The following LIPA variants were observed in gnomAD, a reference collection of about 807,000 sequenced individuals.
LIPA encodes the protein lipase A, lysosomal acid type, also known as lysosomal acid lipase/cholesteryl ester hydrolase.
Under a neutral mutation model 40.6 loss-of-function variants are expected in LIPA, and 26 were observed. The observed-to-expected ratio is 0.64, with a 90% confidence interval of 0.47 to 0.89. LIPA has a LOEUF of 0.89. Among genes scored for constraint, LIPA ranks in the 40% least tolerant of loss-of-function variants. LIPA has a pLI of 0.00. For missense variants in LIPA, 455 were observed against 479.6 expected, an observed-to-expected ratio of 0.95 and a Z score of 0.48; for synonymous variants, 188 against 168.4, an observed-to-expected ratio of 1.12 and a Z score of -0.90.
intron 2 of LIPA, among the ~76,000 whole-genome samples, chr10:89,361,853 C>T (rs1384716779): frequency 8.2e-6 from 1 of 121,934 alleles, no homozygotes; most frequent in Non-Finnish European, 1.7e-5. Flanking sequence ...AAAAAAAAAT[C>T]CACCCCCCAC....
intron 3 of LIPA, among the ~76,000 whole-genome samples, chr10:89,230,702 A>G (rs1251751002): frequency 6.6e-6 from 1 of 152,234 alleles, no homozygotes; most frequent in African/African-American, 2.4e-5. Flanking sequence ...CCTAAAATTA[A>G]TATAATTCCC....
chr10:89,303,821 G>A (rs1391950119), intron 1 of LIPA, among the ~76,000 whole-genome samples: 3 of 152,208 alleles, frequency 2.0e-5, no homozygotes, highest in Non-Finnish European at 4.4e-5. Context: ...GAATTGAGAG[G>A]GAGCAAGGAA....
At chr10:89,377,543 G>C (rs76212992) in intron 2 of LIPA, among the ~76,000 whole-genome samples, 2,318 of 152,292 alleles carry the variant, frequency 0.015, 28 homozygotes, top group African/African-American at 0.035. Flanking sequence ...CAAAATTGAG[G>C]AGTTGTTTTG....
At chr10:89,290,002 G>A (rs4933502) in intron 1 of LIPA, among the ~76,000 whole-genome samples, 7 of 72,562 alleles carry the variant, frequency 9.6e-5, no homozygotes, top group South Asian at 6.1e-4. Flanking sequence ...AAAAAAGGGT[G>A]GGGGGGACTC....
intron 2 of LIPA, among the ~76,000 whole-genome samples, chr10:89,407,648 A>G (rs564155607): frequency 2.6e-4 from 40 of 152,310 alleles, no homozygotes; most frequent in African/African-American, 9.1e-4. Context: ...CCCTCAGGGT[A>G]TGGCCCTCTA....
intron 1 of LIPA, among the ~76,000 whole-genome samples, chr10:89,264,707 T>C (rs1843226235): frequency 6.6e-6 from 1 of 152,110 alleles, no homozygotes. Flanking sequence ...GGAGGAAGTG[T>C]ATGCTGATTG....
At chr10:89,281,800 C>T (rs1169594433) in intron 1 of LIPA, among the ~76,000 whole-genome samples, 1 of 152,220 alleles carries the variant, frequency 6.6e-6, no homozygotes, top group Non-Finnish European at 1.5e-5. Context: ...TGGTATTTGG[C>T]AATAAGCCAC....
intron 4 of LIPA, 147 bp from the exon 5 acceptor site, chr10:89,227,151 G>A (rs756870829): frequency 4.5e-6 from 3 of 671,594 alleles, no homozygotes; most frequent in African/African-American, 3.6e-5. Context: ...CAGCAGGACT[G>A]CAGAAGCCCC....
chr10:89,411,964 C>T (rs1841473095), intron 2 of LIPA, among the ~76,000 whole-genome samples: 1 of 152,136 alleles, frequency 6.6e-6, no homozygotes, highest in Non-Finnish European at 1.5e-5. Flanking sequence ...AAATTTGTTT[C>T]CTCTAGAATT....
intron 3 of LIPA, among the ~76,000 whole-genome samples, chr10:89,234,253 C>T (rs1313346855): frequency 1.3e-5 from 2 of 152,238 alleles, no homozygotes; most frequent in Non-Finnish European, 2.9e-5. Context: ...TTCTGACGCG[C>T]AGCCAGGCTG....
At chr10:89,221,885 T>A (rs1842703792) in intron 8 of LIPA, among the ~76,000 whole-genome samples, 1 of 151,934 alleles carries the variant, frequency 6.6e-6, no homozygotes, top group Non-Finnish European at 1.5e-5. Context: ...CTGTCTAGGG[T>A]TATAGAATGA....
At chr10:89,285,715 C>A (rs1843337874) in intron 1 of LIPA, among the ~76,000 whole-genome samples, 1 of 151,754 alleles carries the variant, frequency 6.6e-6, no homozygotes, top group Non-Finnish European at 1.5e-5. Flanking sequence ...GGACCCCCTA[C>A]CCCTTCTCCA....
intron 2 of LIPA, chr10:89,392,648 G>C (rs563073486): frequency 6.3e-7 from 1 of 1,584,486 alleles, no homozygotes. Flanking sequence ...AGACAGAATA[G>C]CCAGATCTCA....
At chr10:89,247,960 C>T (rs1218037118) in intron 1 of LIPA, 1 of 158,532 alleles carries the variant, frequency 6.3e-6, no homozygotes, top group African/African-American at 2.4e-5. Context: ...CCTCTGCCTC[C>T]TGGTTCAAGC....
intron 2 of LIPA, among the ~76,000 whole-genome samples, chr10:89,349,486 GCC>G (rs1392531914): frequency 6.6e-6 from 1 of 152,138 alleles, no homozygotes; most frequent in African/African-American, 2.4e-5. Context: ...CAATTATCAA[GCC>G]CTCAAAAGAT....
intron 1 of LIPA, among the ~76,000 whole-genome samples, chr10:89,250,029 A>AT (rs1392472243): frequency 7.3e-6 from 1 of 137,660 alleles, no homozygotes; most frequent in Non-Finnish European, 1.6e-5. Context: ...TCCTGGGATT[A>AT]TTTTTTTCCA....
intron 1 of LIPA, among the ~76,000 whole-genome samples, chr10:89,302,926 C>T (rs1843454641): frequency 6.6e-6 from 1 of 151,916 alleles, no homozygotes; most frequent in Admixed American, 6.6e-5. Context: ...CTATGAGACA[C>T]CTTGCCCTCT....
chr10:89,285,194 G>A (rs903547009), intron 1 of LIPA: 1 of 159,826 alleles, frequency 6.3e-6, no homozygotes, highest in Non-Finnish European at 1.3e-5. Flanking sequence ...TGTTCCAAGA[G>A]AAAGATCCAC....
chr10:89,383,941 G>T (rs765880730), intron 2 of LIPA: 7 of 1,614,184 alleles, frequency 4.3e-6, no homozygotes, highest in Non-Finnish European at 5.9e-6. Flanking sequence ...AAAACGAGCT[G>T]TCAGGCTAAA....
Sources: gnomAD v4.1 joint callset for allele counts (sites outside exome capture counted in the v4.1 genomes callset) on GRCh38, gnomAD v4.1.1 for gene constraint, MANE v1.5 for transcripts, NCBI Gene and HGNC (gene_info 2026-07-23, HGNC 2026-07-21) for gene names.